DIAPH2: variants seen among roughly 807,000 people sequenced by gnomAD.
DIAPH2 encodes protein diaphanous homolog 2.
Under a neutral mutation model 92.7 loss-of-function variants are expected in DIAPH2, and 35 were observed. That is an observed-to-expected ratio of 0.38 (90% CI 0.29 to 0.50). The LOEUF (loss-of-function observed/expected upper bound fraction) is 0.50. DIAPH2 is among the 20% of genes least tolerant of loss of function. The pLI is 0.94. For synonymous variants in DIAPH2, 301 were observed against 280.4 expected (o/e 1.07, Z -0.73); for missense variants, 701 against 819.5 (o/e 0.86, Z 1.77).
At chrX:97,251,396 C>G (rs1294291309) in intron 23 of DIAPH2, among the ~76,000 whole-genome samples, 1 of 109,367 alleles carries the variant, frequency 9.1e-6, no homozygotes, top group Non-Finnish European at 1.9e-5. Context: ...ACAGTCTTCC[C>G]CCAGGTATGG....
intron 20 of DIAPH2, among the ~76,000 whole-genome samples, chrX:97,106,011 C>T (rs1463861368): frequency 1.8e-5 from 2 of 110,718 alleles, no homozygotes; most frequent in Non-Finnish European, 3.8e-5. Context: ...CTCATAAGAG[C>T]TTATGAGCTA....
chrX:97,291,787 C>T (rs948933659), intron 23 of DIAPH2, among the ~76,000 whole-genome samples: 1 of 111,362 alleles, frequency 9.0e-6, no homozygotes, highest in Non-Finnish European at 1.9e-5. Flanking sequence ...ATTCCCCCAC[C>T]TCAGCCTCCC....
At chrX:96,902,297 A>G (rs1032367652) in intron 5 of DIAPH2, among the ~76,000 whole-genome samples, 2 of 111,908 alleles carry the variant, frequency 1.8e-5, no homozygotes, top group Non-Finnish European at 3.8e-5. Flanking sequence ...TCTGTTAAGT[A>G]CATTTGTTCT....
At chrX:97,312,681 T>G (rs2068807076) in intron 23 of DIAPH2, among the ~76,000 whole-genome samples, 1 of 111,313 alleles carries the variant, frequency 9.0e-6, no homozygotes, top group Non-Finnish European at 1.9e-5. Flanking sequence ...TCTTTCTAAC[T>G]TTTTGAAAGT....
At chrX:96,775,390 T>TGTGC (rs2064370782) in intron 4 of DIAPH2, among the ~76,000 whole-genome samples, 1 of 106,050 alleles carries the variant, frequency 9.4e-6, no homozygotes, top group African/African-American at 3.4e-5. Flanking sequence ...TGTGTGTGTG[T>TGTGC]GTATACTTCC....
In DIAPH2 at chrX:97,599,334, A is replaced by C; in HGVS notation, c.*17A>C. On this transcript the variant is annotated 3_prime_UTR_variant, in exon 27 of 27. Coordinates refer to ENST00000324765, the MANE Select transcript of DIAPH2 (RefSeq NM_006729.5). ...TCTAAGTGATTCCTGATGCCAAAGAATATGAAAATATTTAAGTAAAAACAA... is the reference window on the plus strand; with the variant it reads ...TCTAAGTGATTCCTGATGCCAAAGACTATGAAAATATTTAAGTAAAAACAA... The C allele has an allele frequency of 5.4e-6, 6 of 1,115,464 alleles. No homozygotes were observed. Among genetic ancestry groups the C allele is most frequent in the Non-Finnish European group, 7.3e-6 (6 of 819,531 alleles). The allele number at this position is 1,115,464 out of a possible 1,213,427, so 91.9% of individuals were successfully genotyped here. A position where few individuals can be genotyped will look rare whatever the true frequency, so the allele number is the denominator to read the frequency against.
rs20360 is a variant in DIAPH2 at position 96,912,328 on chromosome X, C to T, written c.588C>T (p.Ser196=). The T allele has an allele frequency of 9.6e-3, 11,457 of 1,191,885 alleles. 69 individuals are homozygous for T. Among genetic ancestry groups the T allele is most frequent in the Non-Finnish European group, 0.01 (9,222 of 884,446 alleles). The change falls in exon 6 of 27, where the codon AGC becomes AGT. Residue 196 remains serine, a splice_region_variant and synonymous_variant. Transcript: ENST00000324765. ...ATCTAATTTTTTGTTTATTTCTCAG[C>T]TGGGTTAACAACTTTGGCCATGAAG... The part of the protein sequence containing the change: ...LRVSLTSNPV[S]WVNNFGHEGL...
intron 25 of DIAPH2, among the ~76,000 whole-genome samples, chrX:97,395,421 G>A (rs1168378310): frequency 8.9e-6 from 1 of 111,854 alleles, no homozygotes; most frequent in Non-Finnish European, 1.9e-5. Context: ...CATGTAGCCA[G>A]CACACAATAT....
chrX:97,195,467 C>G (rs2067693641), intron 22 of DIAPH2, among the ~76,000 whole-genome samples: 1 of 110,062 alleles, frequency 9.1e-6, no homozygotes, highest in Non-Finnish European at 1.9e-5. Context: ...TCAAGACCAG[C>G]CTGGCCAACA....
chrX:97,432,612 G>A (rs924519172), intron 26 of DIAPH2, among the ~76,000 whole-genome samples: 14 of 111,415 alleles, frequency 1.3e-4, no homozygotes, highest in African/African-American at 4.3e-4. Flanking sequence ...TCAGCCTCCC[G>A]AGTATCTGGG....
intron 26 of DIAPH2, among the ~76,000 whole-genome samples, chrX:97,459,634 G>A (rs1479772255): frequency 1.8e-5 from 2 of 112,082 alleles, no homozygotes; most frequent in African/African-American, 6.5e-5. Context: ...GATGGGTTAT[G>A]TATATTCTGC....
intron 26 of DIAPH2, among the ~76,000 whole-genome samples, chrX:97,594,929 A>G (rs1020919202): frequency 1.7e-4 from 19 of 111,141 alleles, no homozygotes; most frequent in Non-Finnish European, 1.9e-5. Context: ...TGAATAATGG[A>G]CGTGGCCCTT....
chrX:97,459,924 G>T (rs1244697255), intron 26 of DIAPH2, among the ~76,000 whole-genome samples: 1 of 111,565 alleles, frequency 9.0e-6, no homozygotes, highest in Non-Finnish European at 1.9e-5. Flanking sequence ...GTAAAATGAG[G>T]ATAATAGTTA....
intron 23 of DIAPH2, among the ~76,000 whole-genome samples, chrX:97,323,618 C>A (rs1378450366): frequency 4.9e-5 from 4 of 81,174 alleles, no homozygotes; most frequent in East Asian, 4.3e-4. Flanking sequence ...AAAAAAAGCT[C>A]AGGGACCGGG....
chrX:96,981,437 ATAAC>A (rs1351041211), intron 17 of DIAPH2, among the ~76,000 whole-genome samples: 1 of 112,071 alleles, frequency 8.9e-6, no homozygotes, highest in African/African-American at 3.2e-5. Context: ...AATCAATAGA[ATAAC>A]TATCAAAAGG....
chrX:97,215,728 T>C (rs1031724871), intron 22 of DIAPH2, among the ~76,000 whole-genome samples: 13 of 111,792 alleles, frequency 1.2e-4, no homozygotes, highest in African/African-American at 4.2e-4. Context: ...CTCTGCTGCC[T>C]AAGTTAATTA....
At chrX:97,440,017 A>G (rs1416299968) in intron 26 of DIAPH2, among the ~76,000 whole-genome samples, 1 of 111,164 alleles carries the variant, frequency 9.0e-6, no homozygotes, top group Non-Finnish European at 1.9e-5. Context: ...GGTGGGTCAG[A>G]TAATCTCTGG....
Position 97,353,309 on chromosome X carries a change from G to A in DIAPH2, c.3009+5029G>A, listed in dbSNP as rs753567072. ...ATAGAATATTCAAAATCGGTGAACC[G>A]TATATGTTTCACCACCATGCAGTAT... is the stretch of plus-strand genomic sequence containing the variant. On this transcript the variant is annotated intron_variant, in intron 24 of 26. Coordinates refer to ENST00000324765, the MANE Select transcript of DIAPH2 (RefSeq NM_006729.5). 1.6e-4 allele frequency among the ~76,000 whole-genome samples: 18 copies of A among 110,527 alleles called. 1 individual carries two copies. The highest frequency in any genetic ancestry group is 3.0e-4 in the Non-Finnish European group (16 of 52,584).
At chrX:97,106,491 C>A (rs1259961622) in intron 20 of DIAPH2, among the ~76,000 whole-genome samples, 16 of 111,629 alleles carry the variant, frequency 1.4e-4, no homozygotes, top group Non-Finnish European at 2.4e-4. Flanking sequence ...AAAATAAAAC[C>A]ACCTGAAAAT....
Sources: gnomAD v4.1 joint callset for allele counts (sites outside exome capture counted in the v4.1 genomes callset) on GRCh38, gnomAD v4.1.1 for gene constraint, MANE v1.5 for transcripts, NCBI Gene and HGNC (gene_info 2026-07-23, HGNC 2026-07-21) for gene names.